ZFP64: variants seen among roughly 807,000 people sequenced by gnomAD.
ZFP64 encodes zinc finger protein 64.
A neutral mutation model predicts 51.6 loss-of-function variants in ZFP64; 14 were observed. That is an observed-to-expected ratio of 0.27 (90% confidence interval 0.18 to 0.42). The LOEUF (loss-of-function observed/expected upper bound fraction) is 0.42. Among genes scored for constraint, ZFP64 ranks in the 10% least tolerant of loss-of-function variants. The pLI, the probability that ZFP64 is intolerant of heterozygous loss-of-function variation, is 1.00. For synonymous variants in ZFP64, 375 were observed against 361.4 expected (o/e 1.04, Z -0.43); for missense variants, 754 against 906.8 (o/e 0.83, Z 2.16).
chr20:52,185,734 C>T (rs1983916837), intron 2 of ZFP64, among the ~76,000 whole-genome samples: 1 of 152,088 alleles, frequency 6.6e-6, no homozygotes, highest in Non-Finnish European at 1.5e-5. Flanking sequence ...GCGCCTGCCA[C>T]CACGCCCGGC....
At chr20:52,136,096 C>CAAAAAAAA (rs71192597) in intron 5 of ZFP64, among the ~76,000 whole-genome samples, 3 of 38,026 alleles carry the variant, frequency 7.9e-5, no homozygotes, top group Admixed American at 4.1e-4. Context: ...GAGACTCTCT[C>CAAAAAAAA]AAAAAAAAAA....
chr20:52,183,441 CATG>C (rs983383465), intron 2 of ZFP64, among the ~76,000 whole-genome samples: 7 of 152,260 alleles, frequency 4.6e-5, no homozygotes, highest in Admixed American at 4.6e-4. Context: ...ACACTGTCCT[CATG>C]AAGAAGACCA....
intron 3 of ZFP64, 137 bp downstream of exon 3, chr20:52,165,727 G>T: frequency 8.5e-7 from 1 of 1,171,858 alleles, no homozygotes; most frequent in Non-Finnish European, 1.2e-6. Context: ...TGATGTAAAT[G>T]CCAGGGGGCT....
intron 2 of ZFP64, among the ~76,000 whole-genome samples, chr20:52,167,783 A>T (rs1172543738): frequency 1.3e-5 from 2 of 152,126 alleles, no homozygotes; most frequent in Admixed American, 1.3e-4. Flanking sequence ...ACCACCTTTG[A>T]CATTTTTGAC....
At chr20:52,086,598 C>G (rs1229780345) in intron 8 of ZFP64, among the ~76,000 whole-genome samples, 3 of 151,940 alleles carry the variant, frequency 2.0e-5, no homozygotes, top group Non-Finnish European at 4.4e-5. Flanking sequence ...CTGCCTCAGC[C>G]TCCCGAGTAG....
intron 5 of ZFP64, among the ~76,000 whole-genome samples, chr20:52,132,586 G>A (rs565793572): frequency 2.0e-5 from 3 of 152,096 alleles, no homozygotes; most frequent in Non-Finnish European, 2.9e-5. Flanking sequence ...GCAACTGCAT[G>A]TCAATAAATT....
At chr20:52,096,350 A>T (rs1261095051) in intron 7 of ZFP64, among the ~76,000 whole-genome samples, 23 of 152,212 alleles carry the variant, frequency 1.5e-4, no homozygotes, top group Non-Finnish European at 1.5e-5. Flanking sequence ...TGGCTAAGCG[A>T]TGCAGAGAAC....
chr20:52,156,392 T>TGCTTACAC (rs757804074), intron 5 of ZFP64, among the ~76,000 whole-genome samples: 81 of 152,320 alleles, frequency 5.3e-4, no homozygotes, highest in Non-Finnish European at 1.0e-3. Context: ...CTTGCTTGCT[T>TGCTTACAC]GCTTACACCT....
At chr20:52,114,259 G>A (rs183159510) in intron 5 of ZFP64, among the ~76,000 whole-genome samples, 315 of 152,346 alleles carry the variant, frequency 2.1e-3, no homozygotes, top group Admixed American at 4.8e-3. Context: ...CATGCTGAGC[G>A]TGAGCCAGCT....
intron 5 of ZFP64, among the ~76,000 whole-genome samples, chr20:52,115,891 T>C (rs1395011293): frequency 6.6e-6 from 1 of 152,012 alleles, no homozygotes. Context: ...CTGGAATGCA[T>C]TGGTGCGATC....
At chr20:52,135,028 A>T (rs1366758314) in intron 5 of ZFP64, among the ~76,000 whole-genome samples, 4 of 151,942 alleles carry the variant, frequency 2.6e-5, no homozygotes, top group Admixed American at 2.6e-4. Context: ...GCACCTGGCT[A>T]CTTTTTTGTG....
At chr20:52,087,893 T>C (rs1472079717) in intron 8 of ZFP64, among the ~76,000 whole-genome samples, 1 of 152,236 alleles carries the variant, frequency 6.6e-6, no homozygotes, top group Non-Finnish European at 1.5e-5. Flanking sequence ...AGGAATTCAT[T>C]GAAAATTTTC....
intron 5 of ZFP64, among the ~76,000 whole-genome samples, chr20:52,116,422 C>T (rs1978875348): frequency 6.6e-6 from 1 of 151,406 alleles, no homozygotes; most frequent in East Asian, 1.9e-4. Flanking sequence ...AGGCGTGAGC[C>T]ACTGCGCCTG....
chr20:52,090,271 G>T (rs920857820), intron 7 of ZFP64, among the ~76,000 whole-genome samples: 1 of 152,198 alleles, frequency 6.6e-6, no homozygotes, highest in African/African-American at 2.4e-5. Context: ...GTGGATGCTA[G>T]CAAGACAGGA....
chr20:52,137,873 ATT>A (rs1980052279), intron 5 of ZFP64, among the ~76,000 whole-genome samples: 1 of 152,092 alleles, frequency 6.6e-6, no homozygotes, highest in Non-Finnish European at 1.5e-5. Flanking sequence ...TTTAACAATC[ATT>A]GTTAAATATT....
At chr20:52,166,670 G>A (rs1982302536) in intron 2 of ZFP64, among the ~76,000 whole-genome samples, 1 of 151,938 alleles carries the variant, frequency 6.6e-6, no homozygotes, top group Non-Finnish European at 1.5e-5. Flanking sequence ...TGCGCGGGCT[G>A]GTCTCAAACT....
chr20:52,084,515 C>T (rs1184963115), exon 9 of ZFP64: 1 of 1,566,418 alleles, frequency 6.4e-7, no homozygotes, highest in East Asian at 2.2e-5. Flanking sequence ...GGCAACAGCA[C>T]TGGTCAGAAG....
In ZFP64 at chr20:52,155,263, C is replaced by T. The variant is rs78288630; in HGVS notation, c.764-1835G>A. On this transcript the variant is annotated intron_variant, in intron 5 of 5. Transcript: ENST00000216923. ...TGAAGAGATTTTTGATTTCCGCTGG[C>T]GACAACTTTACATGCACTGTTATCA... Among the ~76,000 whole-genome samples, 340 of 152,228 alleles carry T rather than the reference C, an allele frequency of 2.2e-3. 1 individual carries two copies. Among genetic ancestry groups the T allele is most frequent in the African/African-American group, 7.8e-3 (323 of 41,530 alleles).
At chr20:52,161,446 C>CTTTTTT (rs1236301796) in intron 4 of ZFP64, among the ~76,000 whole-genome samples, 3 of 127,724 alleles carry the variant, frequency 2.3e-5, no homozygotes, top group African/African-American at 6.5e-5. Flanking sequence ...CTTGTGATTG[C>CTTTTTT]TTTCTTTTTT....
Sources: allele counts gnomAD v4.1 joint callset (sites outside exome capture counted in the v4.1 genomes callset), GRCh38; gene constraint gnomAD v4.1.1; transcripts MANE v1.5; gene names NCBI Gene and HGNC (gene_info 2026-07-23, HGNC 2026-07-21).